Variants in ALDH1L1 observed in about 807,000 individuals in gnomAD.
ALDH1L1 encodes the protein aldehyde dehydrogenase 1 family member L1, also known as cytosolic 10-formyltetrahydrofolate dehydrogenase.
In ALDH1L1, 68 loss-of-function variants were observed where a neutral mutation model predicts 101.1. The observed-to-expected ratio is 0.67, with a 90% CI of 0.55 to 0.82. ALDH1L1 has a LOEUF of 0.82. ALDH1L1 is among the 40% of genes least tolerant of loss of function. The pLI is 0.00. For synonymous variants in ALDH1L1, 486 were observed against 470.8 expected, an observed-to-expected ratio of 1.03 and a Z score of -0.42; for missense variants, 1,087 against 1,172.7, an observed-to-expected ratio of 0.93 and a Z score of 1.07.
At chr3:126,107,572 T>C (rs765598384) in intron 20 of ALDH1L1, among the ~76,000 whole-genome samples, 3 of 152,230 alleles carry the variant, frequency 2.0e-5, no homozygotes, top group Non-Finnish European at 2.9e-5. Flanking sequence ...GACTTGAGCT[T>C]TTCTGGTGAC....
rs745411371 is a variant in ALDH1L1, at chr3:126,131,422, T to A, written c.1585A>T (p.Thr529Ser). The part of the protein sequence containing the change: ...LKTHVGMSIQ[T>S]FRYFAGWCDK... The stretch of plus-strand genomic sequence containing the variant: ...CACCAGCCAGCAAAGTAGCGGAAGG[T>A]CTGGATGGACATGCCCACGTGGGTC... Residue 529 changes from threonine (T) to serine (S), a missense_variant, in exon 13 of 23, where the codon ACC (threonine) becomes TCC (serine). Physicochemically the swap from Thr to Ser is moderately conservative, Grantham distance 58. Coordinates refer to ENST00000393434, the MANE Select transcript of ALDH1L1 (RefSeq NM_012190.4). 6.2e-7 allele frequency: 1 copy of A among 1,612,174 alleles called. No homozygotes were observed. Among genetic ancestry groups the A allele is most frequent in the Admixed American group, 1.7e-5 (1 of 59,982 alleles).
intron 16 of ALDH1L1, among the ~76,000 whole-genome samples, chr3:126,119,577 C>T (rs962702205): frequency 2.0e-5 from 3 of 152,174 alleles, no homozygotes; most frequent in African/African-American, 7.2e-5. Flanking sequence ...CAGGCACGCC[C>T]ATGAAGGTTC....
chr3:126,186,155 T>C (rs2081516717), upstream of ALDH1L1, among the ~76,000 whole-genome samples: 1 of 152,224 alleles, frequency 6.6e-6, no homozygotes, highest in Non-Finnish European at 1.5e-5. Context: ...CACTGTGCAC[T>C]AAAGAATAGT....
intron 16 of ALDH1L1, among the ~76,000 whole-genome samples, chr3:126,118,885 C>T (rs768328171): frequency 1.6e-4 from 24 of 152,204 alleles, no homozygotes; most frequent in East Asian, 1.9e-4. Context: ...CTCCGAGCCA[C>T]GCCCTGCACA....
chr3:126,174,762 G>C (rs748514324), intron 1 of ALDH1L1, among the ~76,000 whole-genome samples: 2 of 152,058 alleles, frequency 1.3e-5, no homozygotes, highest in Non-Finnish European at 2.9e-5. Flanking sequence ...AGTGTTTAGA[G>C]GGAAATTTAG....
intron 1 of ALDH1L1, among the ~76,000 whole-genome samples, chr3:126,187,409 G>T (rs1282145036): frequency 6.6e-6 from 1 of 152,148 alleles, no homozygotes. Flanking sequence ...GTTGGTACAA[G>T]ATCCCCCCTT....
At chr3:126,169,965 GTTACAGAAATCAACT>G (rs1559972654) in intron 1 of ALDH1L1, among the ~76,000 whole-genome samples, 3 of 151,814 alleles carry the variant, frequency 2.0e-5, no homozygotes, top group Non-Finnish European at 4.4e-5. Context: ...AATTATATCC[GTTACAGAAATCAACT>G]CCTGGATACA....
At chr3:126,185,072 C>A (rs1457257750), upstream of ALDH1L1, among the ~76,000 whole-genome samples, 1 of 152,152 alleles carries the variant, frequency 6.6e-6, no homozygotes, top group East Asian at 1.9e-4. Context: ...GGCCTGCATG[C>A]AATTTTTCAT....
chr3:126,150,077 GC>G (rs1414665208), intron 8 of ALDH1L1, among the ~76,000 whole-genome samples: 1 of 152,222 alleles, frequency 6.6e-6, no homozygotes, highest in Non-Finnish European at 1.5e-5. Flanking sequence ...AGGCTCCAGT[GC>G]TCACATTCTA....
intron 18 of ALDH1L1, among the ~76,000 whole-genome samples, chr3:126,113,663 T>C (rs976139579): frequency 1.3e-5 from 2 of 152,140 alleles, no homozygotes; most frequent in African/African-American, 4.8e-5. Context: ...CCAAATGAGG[T>C]TGGACTCCCT....
At chr3:126,124,511 C>G (rs1012554260) in intron 15 of ALDH1L1, 60 bp from the exon 16 acceptor site, 6 of 1,373,632 alleles carry the variant, frequency 4.4e-6, no homozygotes, top group Non-Finnish European at 6.2e-6. Context: ...GGGGCTCTGC[C>G]TTCCCTCCCC....
In ALDH1L1 at chr3:126,137,845, C is replaced by G. The variant is rs144521878; in HGVS notation, c.1192G>C (p.Asp398His). 2.8e-4 allele frequency: 453 copies of G among 1,614,192 alleles called. 3 individuals are homozygous for G. The East Asian group carries it at 7.9e-3, about 28-fold the overall frequency. ...ATGCTGCACTCGCCCTCCTCATCGT[C>G]CCCTCGCAGCTTCCTCACTAACAGC... Reference protein sequence around the residue: ...IQLLVRKLRGDDEEGECSIDY... With the variant: ...IQLLVRKLRGHDEEGECSIDY... The change falls in exon 10 of 23, where the codon GAC becomes CAC. Residue 398 changes from aspartate (D) to histidine (H), a missense_variant. This residue lies in a region of ALDH1L1 where 645 missense variants were observed against 637.0 expected (regional missense o/e 1.01). Transcript: ENST00000393434.
upstream of ALDH1L1, among the ~76,000 whole-genome samples, chr3:126,184,960 C>T (rs933787985): frequency 2.3e-4 from 35 of 152,152 alleles, no homozygotes; most frequent in African/African-American, 7.5e-4. Flanking sequence ...TACCCTGCCT[C>T]GTGAGTTACT....
chr3:126,110,291 T>G (rs1156437189), intron 19 of ALDH1L1, 182 bp from the exon 20 acceptor site: 2 of 731,992 alleles, frequency 2.7e-6, no homozygotes, highest in Non-Finnish European at 4.4e-6. Context: ...ATGGCTCCTA[T>G]GTGTAGAGGG....
chr3:126,138,102 G>A lies in ALDH1L1; in HGVS notation c.1077-142C>T, dbSNP rs575042774. 112 of 1,068,326 alleles carry A rather than the reference G, an allele frequency of 1.0e-4. No homozygotes were observed. The African/African-American group carries it at 1.5e-3, about 15-fold the overall frequency. The allele number at this position is 1,068,326 out of a possible 1,614,324, so 66.2% of individuals were successfully genotyped here. On this transcript the variant is annotated intron_variant, in intron 9 of 22. Transcript: ENST00000393434. ...GTAGCCATGAGCCCAGAACTGGGGA[G>A]AAGGGCTCAGGCTGTGGACTCAGAT... is the stretch of plus-strand genomic sequence containing the variant.
At chr3:126,106,650 G>A (rs973111156) in intron 21 of ALDH1L1, among the ~76,000 whole-genome samples, 14 of 152,180 alleles carry the variant, frequency 9.2e-5, no homozygotes, top group African/African-American at 3.1e-4. Context: ...CGGCAACCCC[G>A]AGGCTGCCAC....
rs570168894 is a variant in ALDH1L1 at position 126,108,747 on chromosome 3, A to C, written c.2347+1197T>G. Among the ~76,000 whole-genome samples, 3 of 152,340 alleles carry C rather than the reference A, an allele frequency of 2.0e-5. No individual in the cohort carries two copies. The South Asian group carries it at 6.2e-4, about 32-fold the overall frequency. On this transcript the variant is annotated intron_variant, in intron 20 of 22. Coordinates refer to ENST00000393434, the MANE Select transcript of ALDH1L1 (RefSeq NM_012190.4). ...CCTCCACTAAGCCGAGCAGCAGCAA[A>C]TGCATGGAGCCCAAGAAAGCAGGAG...
chr3:126,143,150 T>C (rs2080600166), intron 9 of ALDH1L1, among the ~76,000 whole-genome samples: 1 of 152,220 alleles, frequency 6.6e-6, no homozygotes, highest in South Asian at 2.1e-4. Context: ...TTGAACACTG[T>C]ACTGAATGTG....
At chr3:126,154,873 G>A (rs2080874512) in intron 5 of ALDH1L1, among the ~76,000 whole-genome samples, 1 of 152,164 alleles carries the variant, frequency 6.6e-6, no homozygotes, top group Non-Finnish European at 1.5e-5. Flanking sequence ...ATAATGTTCT[G>A]TTGCTGTCAA....
Sources: allele counts gnomAD v4.1 joint callset (sites outside exome capture counted in the v4.1 genomes callset), GRCh38; gene constraint gnomAD v4.1.1; regional missense constraint gnomAD v4.1.1; transcripts MANE v1.5; gene names NCBI Gene and HGNC (gene_info 2026-07-23, HGNC 2026-07-21).